The following IQCJ variants were observed in gnomAD, a reference collection of about 807,000 sequenced individuals.
IQCJ encodes IQ domain-containing protein J.
Under a neutral mutation model 11.0 loss-of-function variants are expected in IQCJ, and 9 were observed. That is an observed-to-expected ratio of 0.82 (90% CI 0.49 to 1.43). The LOEUF (loss-of-function observed/expected upper bound fraction) is 1.43, where lower values mean the gene tolerates loss of function less well. IQCJ is among the 40% of genes most tolerant of loss of function. IQCJ has a pLI of 0.00. For missense variants in IQCJ, 146 were observed against 133.2 expected (o/e 1.10, Z -0.47); for synonymous variants, 55 against 51.3 (o/e 1.07, Z -0.31).
At chr3:159,247,482 A>G (rs749969611) in intron 2 of IQCJ, among the ~76,000 whole-genome samples, 2 of 152,230 alleles carry the variant, frequency 1.3e-5, no homozygotes, top group Admixed American at 6.5e-5. Context: ...TTGATGAAGA[A>G]TGGACAGCCC....
chr3:159,244,421 G>C (rs1310927113), intron 1 of IQCJ, among the ~76,000 whole-genome samples: 1 of 152,084 alleles, frequency 6.6e-6, no homozygotes, highest in African/African-American at 2.4e-5. Context: ...GGGAAGAAAT[G>C]GCCATCTCTT....
At chr3:159,113,188 G>T (rs1718740406) in intron 1 of IQCJ, among the ~76,000 whole-genome samples, 1 of 152,194 alleles carries the variant, frequency 6.6e-6, no homozygotes, top group Non-Finnish European at 1.5e-5. Context: ...CACCTTTATT[G>T]TGAAGTATAG....
At chr3:159,123,603 T>G (rs868067) in intron 1 of IQCJ, among the ~76,000 whole-genome samples, 13 of 151,152 alleles carry the variant, frequency 8.6e-5, no homozygotes, top group South Asian at 2.1e-4. Flanking sequence ...GGGAACAGAA[T>G]GGGTGGGCAG....
At chr3:159,173,503 G>A (rs771641072) in intron 1 of IQCJ, among the ~76,000 whole-genome samples, 1 of 152,028 alleles carries the variant, frequency 6.6e-6, no homozygotes, top group South Asian at 2.1e-4. Flanking sequence ...ATAGTTTTAC[G>A]TTACCCTTTC....
intron 1 of IQCJ, among the ~76,000 whole-genome samples, chr3:159,140,520 G>C (rs918931477): frequency 6.6e-6 from 1 of 152,130 alleles, no homozygotes; most frequent in African/African-American, 2.4e-5. Context: ...TATAAATTTT[G>C]TGCTAGTCCA....
intron 1 of IQCJ, among the ~76,000 whole-genome samples, chr3:159,180,333 ACT>A (rs1380835176): frequency 1.5e-4 from 23 of 151,916 alleles, no homozygotes; most frequent in African/African-American, 5.1e-4. Context: ...ACATATACAC[ACT>A]CCTAGTGATT....
At chr3:159,094,431 T>TC in intron 1 of IQCJ, among the ~76,000 whole-genome samples, 1 of 146,638 alleles carries the variant, frequency 6.8e-6, no homozygotes, top group East Asian at 2.0e-4. Context: ...GCTTTTTTTT[T>TC]TTTTTTTTTT....
At chr3:159,143,667 G>T (rs1182919692) in intron 1 of IQCJ, among the ~76,000 whole-genome samples, 1 of 152,176 alleles carries the variant, frequency 6.6e-6, no homozygotes, top group Non-Finnish European at 1.5e-5. Context: ...GAATCTCCAT[G>T]TGTCAGTAAT....
intron 3 of IQCJ, 34 bp downstream of exon 3, chr3:159,252,841 G>C (rs767257993): frequency 7.6e-6 from 12 of 1,583,414 alleles, no homozygotes; most frequent in Non-Finnish European, 9.4e-6. Flanking sequence ...TAAGCAATTA[G>C]TTCTAGTTTT....
intron 1 of IQCJ, among the ~76,000 whole-genome samples, chr3:159,103,486 G>C (rs1275271623): frequency 6.6e-6 from 1 of 152,106 alleles, no homozygotes. Context: ...TTGAATTAAG[G>C]GTATTTTAGG....
At chr3:159,094,418 T>C (rs1428284379) in intron 1 of IQCJ, among the ~76,000 whole-genome samples, 1 of 129,248 alleles carries the variant, frequency 7.7e-6, no homozygotes, top group African/African-American at 3.1e-5. Flanking sequence ...TTGTACAGGA[T>C]CTGCTTTTTT....
At chr3:159,225,602 A>G (rs1174175564) in intron 1 of IQCJ, among the ~76,000 whole-genome samples, 1 of 152,176 alleles carries the variant, frequency 6.6e-6, no homozygotes, top group Non-Finnish European at 1.5e-5. Flanking sequence ...TTCGTGGTAT[A>G]CTATTAAAGA....
At chr3:159,150,964 G>A (rs937695981) in intron 1 of IQCJ, among the ~76,000 whole-genome samples, 1 of 152,166 alleles carries the variant, frequency 6.6e-6, no homozygotes, top group African/African-American at 2.4e-5. Flanking sequence ...CTGGTCCTGC[G>A]TGCTGCTCTG....
intron 1 of IQCJ, among the ~76,000 whole-genome samples, chr3:159,124,015 G>A (rs1577023978): frequency 6.6e-6 from 1 of 152,100 alleles, no homozygotes; most frequent in Non-Finnish European, 1.5e-5. Context: ...ATCCTTTCAT[G>A]CACCTTGTGT....
chr3:159,217,611 C>T (rs1725304342), intron 1 of IQCJ, among the ~76,000 whole-genome samples: 1 of 152,142 alleles, frequency 6.6e-6, no homozygotes, highest in Non-Finnish European at 1.5e-5. Context: ...GAGGTACTCT[C>T]CTTCCTGTAC....
intron 1 of IQCJ, among the ~76,000 whole-genome samples, chr3:159,111,323 A>T (rs1269913557): frequency 2.0e-5 from 3 of 152,202 alleles, no homozygotes; most frequent in African/African-American, 7.2e-5. Flanking sequence ...GTCTTGAGTC[A>T]TATCATATTG....
chr3:159,155,233 T>C (rs530158498), intron 1 of IQCJ, among the ~76,000 whole-genome samples: 1 of 152,242 alleles, frequency 6.6e-6, no homozygotes, highest in East Asian at 1.9e-4. Flanking sequence ...TCTCAGCTCA[T>C]TGCAACCTCC....
At chr3:159,239,321 G>A (rs966892506) in intron 1 of IQCJ, among the ~76,000 whole-genome samples, 1 of 152,178 alleles carries the variant, frequency 6.6e-6, no homozygotes, top group African/African-American at 2.4e-5. Context: ...TTCCTAGAAT[G>A]TGGATAGTCA....
chr3:159,101,712 C>G (rs1397183234), intron 1 of IQCJ, among the ~76,000 whole-genome samples: 5 of 152,164 alleles, frequency 3.3e-5, no homozygotes, highest in African/African-American at 4.8e-5. Context: ...GACTGATCTT[C>G]TTTGTGTTCA....
Sources: allele counts gnomAD v4.1 joint callset (sites outside exome capture counted in the v4.1 genomes callset), GRCh38; gene constraint gnomAD v4.1.1; transcripts MANE v1.5; gene names NCBI Gene and HGNC (gene_info 2026-07-23, HGNC 2026-07-21).